Variants in CSMD3 observed in about 807,000 individuals in gnomAD.
CSMD3 encodes the protein CUB and sushi domain-containing protein 3.
CSMD3 carries 177 observed loss-of-function variants against 435.2 expected under a neutral mutation model. The ratio of observed to expected loss-of-function variants is 0.41; its 90% CI spans 0.36 to 0.46. CSMD3 has a LOEUF of 0.46. Among genes scored for constraint, CSMD3 ranks in the 20% least tolerant of loss-of-function variants. The pLI, the probability that CSMD3 is intolerant of heterozygous loss-of-function variation, is 0.34. For synonymous variants in CSMD3, 1,656 were observed against 1,520.5 expected (o/e 1.09, Z -2.07); for missense variants, 4,265 against 4,504.6 (o/e 0.95, Z 1.52).
At chr8:112,465,941 C>T (rs957944136) in intron 32 of CSMD3, among the ~76,000 whole-genome samples, 1 of 148,678 alleles carries the variant, frequency 6.7e-6, no homozygotes, top group Non-Finnish European at 1.5e-5. Flanking sequence ...CACCACTGCA[C>T]TGCAGCCTGG....
At chr8:112,941,528 C>G (rs112786322) in intron 9 of CSMD3, among the ~76,000 whole-genome samples, 5,110 of 151,734 alleles carry the variant, frequency 0.034, 143 homozygotes, top group Middle Eastern at 0.051. Context: ...AAATGCAGAT[C>G]AGAGAACTAT....
intron 34 of CSMD3, among the ~76,000 whole-genome samples, chr8:112,407,452 T>C (rs980732289): frequency 6.6e-6 from 1 of 151,994 alleles, no homozygotes; most frequent in African/African-American, 2.4e-5. Context: ...ATTAAAGAGA[T>C]TGACAATAGC....
At chr8:112,776,846 A>G (rs2078259229) in intron 13 of CSMD3, among the ~76,000 whole-genome samples, 1 of 151,786 alleles carries the variant, frequency 6.6e-6, no homozygotes, top group African/African-American at 2.4e-5. Context: ...AAGGAATTTT[A>G]GTTGATTCAC....
chr8:113,401,659 G>A (rs188675354), intron 1 of CSMD3, among the ~76,000 whole-genome samples: 210 of 151,588 alleles, frequency 1.4e-3, no homozygotes, highest in African/African-American at 4.6e-3. Flanking sequence ...AAAATTTTTA[G>A]ATGTAGTTAA....
intron 49 of CSMD3, among the ~76,000 whole-genome samples, chr8:112,312,828 T>C (rs1007519224): frequency 5.9e-5 from 9 of 152,206 alleles, no homozygotes; most frequent in African/African-American, 2.2e-4. Context: ...AGAGTATACT[T>C]TTTAGAACTG....
At chr8:112,761,597 TA>T (rs1480722766) in intron 13 of CSMD3, among the ~76,000 whole-genome samples, 1 of 152,132 alleles carries the variant, frequency 6.6e-6, no homozygotes, top group Non-Finnish European at 1.5e-5. Flanking sequence ...GAAAGCAGTT[TA>T]AAAAGTTGTG....
chr8:112,434,693 A>G (rs1284130821), intron 32 of CSMD3, among the ~76,000 whole-genome samples: 2 of 152,148 alleles, frequency 1.3e-5, no homozygotes, highest in African/African-American at 4.8e-5. Context: ...GCTCCTTCTA[A>G]GACCCTAGAA....
intron 17 of CSMD3, among the ~76,000 whole-genome samples, chr8:112,662,910 G>A (rs982419571): frequency 6.6e-6 from 1 of 151,954 alleles, no homozygotes; most frequent in Non-Finnish European, 1.5e-5. Context: ...GCAGCCAAAA[G>A]ACACATGAAA....
chr8:112,262,401 G>C (rs1245513829), intron 61 of CSMD3, among the ~76,000 whole-genome samples: 4 of 151,524 alleles, frequency 2.6e-5, no homozygotes, highest in African/African-American at 7.3e-5. Flanking sequence ...TCCAGGGACA[G>C]AGCAGTGAAT....
chr8:112,276,515 G>T (rs530252873), intron 59 of CSMD3, among the ~76,000 whole-genome samples: 1 of 152,176 alleles, frequency 6.6e-6, no homozygotes, highest in East Asian at 2.0e-4. Flanking sequence ...ACAGAACTCT[G>T]TGACAGCTCC....
intron 1 of CSMD3, among the ~76,000 whole-genome samples, chr8:113,428,244 CTATCTATCTATCT>C (rs2094648493): frequency 6.6e-6 from 1 of 150,924 alleles, no homozygotes; most frequent in African/African-American, 2.4e-5. Flanking sequence ...ATCTATCTAT[CTATCTATCTATCT>C]ATCTTTCTGT....
In CSMD3 at chr8:112,241,711, A is replaced by G; in HGVS notation, c.10468+9T>C. The G allele has an allele frequency of 2.5e-6, 4 of 1,601,572 alleles. No homozygotes were observed. Among genetic ancestry groups the G allele is most frequent in the South Asian group, 1.1e-5 (1 of 90,808 alleles). On this transcript the variant is annotated intron_variant, in intron 66 of 70. Transcript: ENST00000297405. ...AATGAACTCTAGAAAAACAAATGAC[A>G]TTACTAACCACTTAGCTTTGGGCTG...
chr8:112,480,889 T>G (rs1465740817), intron 31 of CSMD3, among the ~76,000 whole-genome samples: 1 of 152,254 alleles, frequency 6.6e-6, no homozygotes, highest in Non-Finnish European at 1.5e-5. Context: ...GAGTGAAGTT[T>G]TATTCACACA....
intron 20 of CSMD3, among the ~76,000 whole-genome samples, chr8:112,640,205 C>T (rs1044784787): frequency 3.3e-5 from 5 of 152,076 alleles, no homozygotes; most frequent in African/African-American, 4.8e-5. Context: ...CACACACACT[C>T]AAATACACAC....
intron 32 of CSMD3, among the ~76,000 whole-genome samples, chr8:112,433,649 C>A (rs1189797723): frequency 1.8e-5 from 1 of 54,840 alleles, no homozygotes; most frequent in East Asian, 4.7e-4. Context: ...ACTGAGAGAA[C>A]CTGTCAAAAA....
In CSMD3 at chr8:112,232,315, A is replaced by G. The variant is rs185383934; in HGVS notation, c.10741-683T>C. Among the ~76,000 whole-genome samples, 17 of 152,312 alleles carry G rather than the reference A, an allele frequency of 1.1e-4. No individual in the cohort carries two copies. In the South Asian group the frequency reaches 1.2e-3, roughly 11 times the overall value. ...TGTGGAGTTTCTTTACAACATGAAG[A>G]AAGTATTGTAGTCTAGGTGAGGTGG... On this transcript the variant is annotated intron_variant, in intron 68 of 70. Coordinates refer to ENST00000297405, the MANE Select transcript of CSMD3 (RefSeq NM_198123.2).
chr8:112,919,490 G>C (rs1680733720), intron 10 of CSMD3, among the ~76,000 whole-genome samples: 1 of 151,748 alleles, frequency 6.6e-6, no homozygotes, highest in Non-Finnish European at 1.5e-5. Context: ...ACTTTATGTA[G>C]ATCTTAAATT....
Position 113,198,352 on chromosome 8 carries a change from A to T in CSMD3, c.515-24436T>A, listed in dbSNP as rs527312806. ...GTTGTATATACATACTATATATGTG[A>T]TGTATTATCCATGTGGAATTGGAGT... On this transcript the variant is annotated intron_variant, in intron 3 of 70. Transcript: ENST00000297405. 5.3e-5 allele frequency among the ~76,000 whole-genome samples: 8 copies of T among 151,310 alleles called. No individual in the cohort carries two copies. In the South Asian group the frequency reaches 1.3e-3, roughly 24 times the overall value.
At position 113,099,371 on chromosome 8, in the gene CSMD3, T is replaced by C. The variant is rs73340228; in HGVS notation, c.710-408A>G. On this transcript the variant is annotated intron_variant, in intron 4 of 70. Transcript: ENST00000297405. ...TTATTGACGGAAGAGCTTTTTGGTTTTTCAATGCAAGTATGTACAACACAA... is the reference window on the plus strand; with the variant it reads ...TTATTGACGGAAGAGCTTTTTGGTTCTTCAATGCAAGTATGTACAACACAA... Among the ~76,000 whole-genome samples, 1,512 of 152,016 alleles carry C rather than the reference T, an allele frequency of 9.9e-3. 36 individuals are homozygous for C. The highest frequency in any genetic ancestry group is 0.035 in the African/African-American group (1,439 of 41,498).
Sources: allele counts gnomAD v4.1 joint callset (sites outside exome capture counted in the v4.1 genomes callset), GRCh38; gene constraint gnomAD v4.1.1; transcripts MANE v1.5; gene names NCBI Gene and HGNC (gene_info 2026-07-23, HGNC 2026-07-21).